The following DPRX variants were observed in gnomAD, a reference collection of about 807,000 sequenced individuals.
DPRX encodes the protein divergent paired-related homeobox.
In DPRX, 11 loss-of-function variants were observed where a neutral mutation model predicts 8.4. The observed-to-expected ratio is 1.31, with a 90% CI of 0.82 to 2.17. The LOEUF is 2.17. Among genes scored for constraint, DPRX ranks in the 30% most tolerant of loss-of-function variants. DPRX has a pLI of 0.00. For synonymous variants in DPRX, 72 were observed against 87.0 expected (o/e 0.83, Z 0.96); for missense variants, 211 against 236.7 (o/e 0.89, Z 0.71).
the DPRX span, chr19:53,601,902 C>T: frequency 2.5e-6 from 1 of 392,990 alleles, no homozygotes; most frequent in Middle Eastern, 8.9e-4. Flanking sequence ...TTCGCAACTG[C>T]CCTTTTTACC....
the DPRX span, among the ~76,000 whole-genome samples, chr19:53,611,679 C>T: frequency 2.6e-5 from 4 of 152,154 alleles, no homozygotes; most frequent in Non-Finnish European, 5.9e-5. Flanking sequence ...ATAGAATGCA[C>T]TCTGTAGGCA....
At chr19:53,604,809 C>T in the DPRX span, among the ~76,000 whole-genome samples, 2 of 148,682 alleles carry the variant, frequency 1.3e-5, no homozygotes, top group African/African-American at 5.0e-5. Flanking sequence ...TGCCACTGCA[C>T]TGCAGCCTGG....
chr19:53,606,068 G>A, the DPRX span: 7 of 152,312 alleles, frequency 4.6e-5, no homozygotes, highest in African/African-American at 7.2e-5. This position sits in a 1 kb window ranked among gnomAD's most constrained non-coding sequence, Gnocchi z 4.8. Context: ...GATGGGCTGT[G>A]GGGGAGGATG....
At chr19:53,623,313 AT>A in the DPRX span, among the ~76,000 whole-genome samples, 18 of 133,288 alleles carry the variant, frequency 1.4e-4, no homozygotes, top group Admixed American at 3.6e-4. Context: ...TCTCAAAAAA[AT>A]AAATAAATAA....
chr19:53,631,896 C>T (rs544365668), upstream of DPRX, among the ~76,000 whole-genome samples: 10 of 152,180 alleles, frequency 6.6e-5, no homozygotes, highest in Admixed American at 3.9e-4. Flanking sequence ...CGTTGGTCTC[C>T]GCTCAATCAA....
At chr19:53,636,374 A>C (rs184704406) in intron 2 of DPRX, among the ~76,000 whole-genome samples, 1 of 151,200 alleles carries the variant, frequency 6.6e-6, no homozygotes, top group Admixed American at 6.6e-5. Context: ...TCAAAAATAA[A>C]ATAAAATAAA....
At chr19:53,603,231 T>C in the DPRX span, 1 of 428,446 alleles carries the variant, frequency 2.3e-6, no homozygotes, top group Non-Finnish European at 4.7e-6. Context: ...GTGCGCCTAC[T>C]AAGAAGGGCC....
At chr19:53,626,087 C>A in the DPRX span, among the ~76,000 whole-genome samples, 1 of 151,930 alleles carries the variant, frequency 6.6e-6, no homozygotes, top group Non-Finnish European at 1.5e-5. Context: ...CAGGCACGTG[C>A]CACCAAACCC....
At chr19:53,607,857 TAAAAA>T in the DPRX span, among the ~76,000 whole-genome samples, 1 of 134,750 alleles carries the variant, frequency 7.4e-6, no homozygotes, top group Non-Finnish European at 1.6e-5. Context: ...TCTCAAAAAA[TAAAAA>T]TAAAGGTAAA....
At chr19:53,607,624 G>A in the DPRX span, among the ~76,000 whole-genome samples, 4 of 151,056 alleles carry the variant, frequency 2.6e-5, no homozygotes, top group East Asian at 5.8e-4. Flanking sequence ...GGCCAAGGTG[G>A]GCAGATCACC....
chr19:53,630,898 G>A (rs1317085157), upstream of DPRX, among the ~76,000 whole-genome samples: 2 of 151,760 alleles, frequency 1.3e-5, no homozygotes, highest in Non-Finnish European at 2.9e-5. Context: ...CCAGGCTGGA[G>A]TGCAGTGGTG....
the DPRX span, among the ~76,000 whole-genome samples, chr19:53,613,751 C>A: frequency 6.6e-6 from 1 of 151,814 alleles, no homozygotes; most frequent in South Asian, 2.1e-4. Context: ...CATTTCAAAC[C>A]CACATAACAA....
At chr19:53,612,760 A>G in the DPRX span, among the ~76,000 whole-genome samples, 1 of 152,142 alleles carries the variant, frequency 6.6e-6, no homozygotes, top group Non-Finnish European at 1.5e-5. Context: ...AATATTTTTA[A>G]AAAAGGAAGA....
chr19:53,628,733 G>T (rs1022402009), upstream of DPRX, among the ~76,000 whole-genome samples: 10 of 151,842 alleles, frequency 6.6e-5, no homozygotes, highest in Non-Finnish European at 1.5e-5. Flanking sequence ...GGGATTACAG[G>T]CATGTGCCAC....
At chr19:53,626,005 C>T in the DPRX span, among the ~76,000 whole-genome samples, 3,514 of 152,122 alleles carry the variant, frequency 0.023, 57 homozygotes, top group Non-Finnish European at 0.036. Context: ...GGCATAATCT[C>T]GGCTCACTGC....
the DPRX span, among the ~76,000 whole-genome samples, chr19:53,621,159 G>T: frequency 6.6e-6 from 1 of 151,780 alleles, no homozygotes; most frequent in Admixed American, 6.6e-5. Context: ...CAGATACAAG[G>T]TCTCACTGTG....
At chr19:53,608,953 C>CAA in the DPRX span, among the ~76,000 whole-genome samples, 9,033 of 76,476 alleles carry the variant, frequency 0.12, 674 homozygotes, top group East Asian at 0.19. Flanking sequence ...GAGACTCCGT[C>CAA]AAAAAAAAAA....
chr19:53,622,922 G>T, the DPRX span, among the ~76,000 whole-genome samples: 1 of 152,044 alleles, frequency 6.6e-6, no homozygotes, highest in East Asian at 1.9e-4. Context: ...ATTGACTGTT[G>T]GTTATATGCA....
exon 2 of DPRX, chr19:53,634,556 G>C: frequency 6.2e-7 from 1 of 1,613,778 alleles, no homozygotes; most frequent in Non-Finnish European, 8.5e-7. Flanking sequence ...ATTCACACAG[G>C]AAACGAACCA....
Sources: gnomAD v4.1 joint callset for allele counts (sites outside exome capture counted in the v4.1 genomes callset) on GRCh38, gnomAD v4.1.1 for gene constraint, Gnocchi (gnomAD v3.1) non-coding constraint, MANE v1.5 for transcripts, NCBI Gene and HGNC (gene_info 2026-07-23, HGNC 2026-07-21) for gene names.